Variants in FRY observed in about 807,000 individuals in gnomAD.
The protein encoded by FRY is FRY microtubule binding protein.
Under a neutral mutation model 348.4 loss-of-function variants are expected in FRY, and 128 were observed. The ratio of observed to expected loss-of-function variants is 0.37; its 90% CI spans 0.32 to 0.43. FRY has a LOEUF of 0.43. FRY is among the 20% of genes least tolerant of loss of function. FRY has a pLI of 1.00. For synonymous variants in FRY, 1,370 were observed against 1,374.7 expected, an observed-to-expected ratio of 1.00 and a Z score of 0.08; for missense variants, 2,736 against 3,695.2, an observed-to-expected ratio of 0.74 and a Z score of 6.73.
intron 2 of FRY, among the ~76,000 whole-genome samples, chr13:32,088,223 T>C (rs1333950038): frequency 6.6e-6 from 1 of 152,158 alleles, no homozygotes; most frequent in East Asian, 1.9e-4. Flanking sequence ...AAGGGAAATA[T>C]AGAGTAAAAG....
chr13:32,067,216 G>A lies in FRY; in HGVS notation c.71-11618G>A, dbSNP rs139906233. ...CGAGTTGCCCCTTTCTCTTCCCTAC[G>A]TATCAGAATCCTACCTATCCTTTAA... On this transcript the variant is annotated intron_variant, in intron 1 of 60. Transcript: ENST00000542859. Among the ~76,000 whole-genome samples the A allele has an allele frequency of 4.2e-3, 644 of 152,278 alleles. 2 individuals are homozygous for A. The highest frequency in any genetic ancestry group is 0.014 in the African/African-American group (583 of 41,542).
At chr13:32,291,295 A>G (rs1339823641) in intron 59 of FRY, among the ~76,000 whole-genome samples, 1 of 152,204 alleles carries the variant, frequency 6.6e-6, no homozygotes, top group Non-Finnish European at 1.5e-5. Context: ...GTAGGCCTTC[A>G]CAACCAGTTT....
intron 7 of FRY, among the ~76,000 whole-genome samples, chr13:32,126,985 C>T (rs1879058730): frequency 6.6e-6 from 1 of 152,092 alleles, no homozygotes; most frequent in South Asian, 2.1e-4. Context: ...TGAGTTTTAG[C>T]AGAATCACTA....
intron 1 of FRY, among the ~76,000 whole-genome samples, chr13:32,058,276 T>C (rs988584104): frequency 6.6e-6 from 1 of 152,218 alleles, no homozygotes; most frequent in African/African-American, 2.4e-5. Flanking sequence ...AGCAAATCAT[T>C]TTAATAATTT....
At position 32,253,577 on chromosome 13, in the gene FRY, A is replaced by C. The variant is rs568845867; in HGVS notation, c.7246-647A>C. ...TCAGTGAAAAGAACCTAAACATAGAAGTTAATCTTAAAACATTAACATACT... is the reference window on the plus strand; with the variant it reads ...TCAGTGAAAAGAACCTAAACATAGACGTTAATCTTAAAACATTAACATACT... On this transcript the variant is annotated intron_variant, in intron 50 of 60. Transcript: ENST00000542859. 3.4e-4 allele frequency among the ~76,000 whole-genome samples: 52 copies of C among 152,346 alleles called. No individual in the cohort carries two copies. The South Asian group carries it at 5.0e-3, about 15-fold the overall frequency.
chr13:32,172,664 C>T (rs1183981063), intron 18 of FRY, among the ~76,000 whole-genome samples: 1 of 152,116 alleles, frequency 6.6e-6, no homozygotes, highest in Non-Finnish European at 1.5e-5. Context: ...ACTGTGGAGG[C>T]TCATGGCAGT....
chr13:32,176,390 T>C (rs1882363707), intron 20 of FRY, among the ~76,000 whole-genome samples: 1 of 152,220 alleles, frequency 6.6e-6, no homozygotes, highest in African/African-American at 2.4e-5. Flanking sequence ...TGCTGATGCC[T>C]GATGTGCAGA....
At chr13:32,217,111 C>T (rs577117830) in intron 35 of FRY, among the ~76,000 whole-genome samples, 1 of 152,302 alleles carries the variant, frequency 6.6e-6, no homozygotes, top group African/African-American at 2.4e-5. Flanking sequence ...AATAGCCCTG[C>T]ACCTTCCAGT....
At chr13:32,188,611 C>T (rs534300665) in intron 28 of FRY, among the ~76,000 whole-genome samples, 5 of 152,212 alleles carry the variant, frequency 3.3e-5, no homozygotes, top group African/African-American at 1.2e-4. Context: ...TCTGGAAAGT[C>T]AACAAGCGAA....
At chr13:32,156,416 A>G (rs1317652198) in intron 15 of FRY, among the ~76,000 whole-genome samples, 5 of 152,262 alleles carry the variant, frequency 3.3e-5, no homozygotes, top group Admixed American at 6.5e-5. Context: ...AACCTGACCA[A>G]CATGGAGAAA....
chr13:32,133,488 AG>A (rs1390573727), intron 8 of FRY, among the ~76,000 whole-genome samples: 16 of 152,320 alleles, frequency 1.1e-4, no homozygotes, highest in Middle Eastern at 3.4e-3. Context: ...AAGACTTGAG[AG>A]AGTATTACAT....
Position 32,069,002 on chromosome 13 carries a change from G to A in FRY, c.71-9832G>A, listed in dbSNP as rs191285437. On this transcript the variant is annotated intron_variant, in intron 1 of 60. Coordinates refer to ENST00000542859, the MANE Select transcript of FRY (RefSeq NM_023037.3). The stretch of plus-strand genomic sequence containing the variant: ...CTGTTCTCGGCTCACTGCAAGCTCC[G>A]CCTGCCGGGTTCACGCCCATTCTCC... 3.8e-3 allele frequency among the ~76,000 whole-genome samples: 529 copies of A among 140,176 alleles called. 1 individual carries two copies. The highest frequency in any genetic ancestry group is 7.7e-3 in the Admixed American group (97 of 12,568). The allele number at this position is 140,176 out of a possible 152,430, so 92.0% of individuals were successfully genotyped here.
At chr13:32,090,721 T>C (rs1876242721) in intron 2 of FRY, among the ~76,000 whole-genome samples, 2 of 152,192 alleles carry the variant, frequency 1.3e-5, no homozygotes, top group African/African-American at 4.8e-5. Context: ...CTTTTTTTTT[T>C]CTTTTTTAAA....
chr13:32,130,995 T>C (rs997066855), intron 7 of FRY, among the ~76,000 whole-genome samples: 2 of 152,144 alleles, frequency 1.3e-5, no homozygotes, highest in Non-Finnish European at 2.9e-5. Flanking sequence ...TTTGTATTTT[T>C]TGTAGAGATG....
chr13:32,131,850 TAGGCA>T lies in FRY; in HGVS notation c.885+11_885+15del. On this transcript the variant is annotated intron_variant, in intron 8 of 60. Transcript: ENST00000542859. ...TCTTCAGTTTATGCAGGTAATGTCT[TAGGCA>T]GGAGAGCTAAGGTGCTCTCAACTTG... is the stretch of plus-strand genomic sequence containing the variant. The T allele has an allele frequency of 1.2e-6, 2 of 1,608,946 alleles. No homozygotes were observed. The highest frequency in any genetic ancestry group is 1.7e-6 in the Non-Finnish European group (2 of 1,175,302).
chr13:32,091,448 CTT>C (rs909316752), intron 2 of FRY, among the ~76,000 whole-genome samples: 5 of 152,186 alleles, frequency 3.3e-5, no homozygotes, highest in African/African-American at 1.2e-4. Context: ...TTTTTCCAAA[CTT>C]GAGTCAAAGT....
At chr13:32,203,657 C>T (rs767675079) in intron 31 of FRY, among the ~76,000 whole-genome samples, 8 of 151,770 alleles carry the variant, frequency 5.3e-5, no homozygotes, top group Non-Finnish European at 1.0e-4. Context: ...CGGGAGGCAG[C>T]GATTGCAGTG....
intron 59 of FRY, among the ~76,000 whole-genome samples, chr13:32,292,548 C>T (rs780239360): frequency 6.6e-6 from 1 of 151,780 alleles, no homozygotes; most frequent in Non-Finnish European, 1.5e-5. Flanking sequence ...AATCCCAGCA[C>T]TTTGGGAGGC....
At position 32,239,462 on chromosome 13, in the gene FRY, T is replaced by TA. The variant is rs1201001981; in HGVS notation, c.6516+115dup. 1.3e-6 allele frequency: 1 copy of TA among 776,436 alleles called. No individual in the cohort carries two copies. Among genetic ancestry groups the TA allele is most frequent in the African/African-American group, 1.7e-5 (1 of 58,590 alleles). The allele number at this position is 776,436 out of a possible 1,614,324, so 48.1% of individuals were successfully genotyped here. On this transcript the variant is annotated intron_variant, in intron 45 of 60. Transcript: ENST00000542859. This position sits in a 1 kb window ranked among gnomAD's most constrained non-coding sequence, Gnocchi z 4.3. ...CAGTGATTTTCTCAAAAACTGGAAA[T>TA]AATAACTAATATCACAGTAATGGAA... is the stretch of plus-strand genomic sequence containing the variant.
Sources: gnomAD v4.1 joint callset for allele counts (sites outside exome capture counted in the v4.1 genomes callset) on GRCh38, gnomAD v4.1.1 for gene constraint, Gnocchi (gnomAD v3.1) non-coding constraint, MANE v1.5 for transcripts, NCBI Gene and HGNC (gene_info 2026-07-23, HGNC 2026-07-21) for gene names.